The following CLPB variants were observed in gnomAD, a reference collection of about 807,000 sequenced individuals.
CLPB encodes the protein mitochondrial disaggregase.
Under a neutral mutation model 78.4 loss-of-function variants are expected in CLPB, and 40 were observed. The ratio of observed to expected loss-of-function variants is 0.51; its 90% CI spans 0.40 to 0.66. The LOEUF is 0.66. Among genes scored for constraint, CLPB ranks in the 30% least tolerant of loss-of-function variants. The probability of loss-of-function intolerance (pLI) is 0.00; values close to 1 mark genes in which losing one functional copy is unlikely to be tolerated. For missense variants in CLPB, 780 were observed against 886.9 expected, an observed-to-expected ratio of 0.88 and a Z score of 1.53; for synonymous variants, 333 against 348.0, an observed-to-expected ratio of 0.96 and a Z score of 0.48.
intron 4 of CLPB, 50 bp downstream of exon 4, chr11:72,380,231 G>T (rs953877058): frequency 7.1e-7 from 1 of 1,404,380 alleles, no homozygotes; most frequent in Non-Finnish European, 1.0e-6. Context: ...AAGGCTGCAT[G>T]AAAGCCACAA....
chr11:72,376,669 GTTTGTT>G (rs1565471131), intron 4 of CLPB, among the ~76,000 whole-genome samples: 1 of 150,236 alleles, frequency 6.7e-6, no homozygotes, highest in Admixed American at 6.6e-5. Flanking sequence ...TTTAACAGTT[GTTTGTT>G]TTTGTTTTTG....
intron 3 of CLPB, among the ~76,000 whole-genome samples, chr11:72,386,603 A>T (rs1419920003): frequency 6.6e-6 from 1 of 152,252 alleles, no homozygotes. Context: ...ACACAAAGAT[A>T]CAGTCCTTAC....
chr11:72,416,592 CA>C (rs1856030667), intron 2 of CLPB, among the ~76,000 whole-genome samples: 1 of 151,778 alleles, frequency 6.6e-6, no homozygotes, highest in South Asian at 2.1e-4. Flanking sequence ...AAAAATTAGC[CA>C]GGCATGGTGG....
chr11:72,314,745 T>TGGGGA (rs1949910312), intron 7 of CLPB, among the ~76,000 whole-genome samples: 1 of 144,244 alleles, frequency 6.9e-6, no homozygotes, highest in Non-Finnish European at 1.5e-5. Flanking sequence ...TGGGGTGGGG[T>TGGGGA]GGGGGAAGGG....
At chr11:72,314,157 T>C (rs1054733255) in intron 7 of CLPB, among the ~76,000 whole-genome samples, 3 of 152,166 alleles carry the variant, frequency 2.0e-5, no homozygotes, top group Non-Finnish European at 2.9e-5. Flanking sequence ...TTCTGTAATA[T>C]GGAATATGCG....
chr11:72,353,411 C>T (rs547305447), intron 5 of CLPB, among the ~76,000 whole-genome samples: 1 of 152,244 alleles, frequency 6.6e-6, no homozygotes, highest in South Asian at 2.1e-4. Flanking sequence ...GGAAGGTAGC[C>T]AGGCAGAGGT....
At position 72,317,822 on chromosome 11, in the gene CLPB, G is replaced by A. The variant is rs377410948; in HGVS notation, c.874-602C>T. Among the ~76,000 whole-genome samples, 8 of 152,312 alleles carry A rather than the reference G, an allele frequency of 5.3e-5. No homozygotes were observed. In the East Asian group the frequency reaches 1.5e-3, roughly 29 times the overall value. ...GGCAGAGGAAGGAGGACTGTGCCCC[G>A]TTGCCTGGGAGGTTCTAGTTGATGC... On this transcript the variant is annotated intron_variant, in intron 6 of 15. Transcript: ENST00000538039.
chr11:72,373,617 T>A (rs1391901241), intron 4 of CLPB, among the ~76,000 whole-genome samples: 2 of 152,168 alleles, frequency 1.3e-5, no homozygotes, highest in Non-Finnish European at 2.9e-5. Context: ...CCCATCCTCT[T>A]CATCCTCCAA....
At chr11:72,294,472 A>T in intron 13 of CLPB, 28 bp from the exon 14 acceptor site, 1 of 1,613,768 alleles carries the variant, frequency 6.2e-7, no homozygotes, top group Non-Finnish European at 8.5e-7. Context: ...GGGTGGGATG[A>T]GCTCAGTGAC....
At chr11:72,385,062 A>C (rs1393047340) in intron 3 of CLPB, among the ~76,000 whole-genome samples, 1 of 152,250 alleles carries the variant, frequency 6.6e-6, no homozygotes, top group Admixed American at 6.5e-5. Context: ...AGACCTATAC[A>C]GAACATTCCA....
At chr11:72,350,001 C>CG (rs1950586190) in intron 5 of CLPB, among the ~76,000 whole-genome samples, 1 of 152,342 alleles carries the variant, frequency 6.6e-6, no homozygotes, top group South Asian at 2.1e-4. Context: ...TGATGAAATG[C>CG]GGGGGCCTGG....
chr11:72,380,474 G>C, intron 3 of CLPB, 90 bp from the exon 4 acceptor site: 2 of 934,572 alleles, frequency 2.1e-6, no homozygotes, highest in Non-Finnish European at 3.4e-6. Context: ...GGGGACTGGA[G>C]CTGTCTCTGC....
At chr11:72,346,858 G>A (rs1176150739) in intron 5 of CLPB, among the ~76,000 whole-genome samples, 2 of 151,812 alleles carry the variant, frequency 1.3e-5, no homozygotes, top group African/African-American at 2.4e-5. Context: ...GTGGGCACCT[G>A]TAATCCCAGC....
chr11:72,296,551 C>T (rs1949554708), intron 11 of CLPB, among the ~76,000 whole-genome samples: 1 of 152,190 alleles, frequency 6.6e-6, no homozygotes, highest in Non-Finnish European at 1.5e-5. Context: ...AGGGCATGAC[C>T]GTACAACAGC....
intron 3 of CLPB, among the ~76,000 whole-genome samples, chr11:72,397,005 T>A (rs1370573562): frequency 6.6e-6 from 1 of 152,266 alleles, no homozygotes. Flanking sequence ...TACATTCATG[T>A]AACCAGCATG....
At chr11:72,309,247 C>T (rs940776572) in intron 7 of CLPB, among the ~76,000 whole-genome samples, 4 of 152,046 alleles carry the variant, frequency 2.6e-5, no homozygotes, top group African/African-American at 4.8e-5. Context: ...GTGGGGAGCA[C>T]GGGGAGTGGG....
At chr11:72,364,435 G>A (rs1381861763) in intron 4 of CLPB, among the ~76,000 whole-genome samples, 2 of 151,934 alleles carry the variant, frequency 1.3e-5, no homozygotes, top group East Asian at 1.9e-4. Flanking sequence ...TTGAACTCCC[G>A]ACCTCAGATG....
At chr11:72,413,482 T>C (rs144176302) in intron 2 of CLPB, among the ~76,000 whole-genome samples, 25 of 152,304 alleles carry the variant, frequency 1.6e-4, no homozygotes, top group African/African-American at 5.5e-4. Flanking sequence ...CATTGGTACA[T>C]GCATCTCGTA....
intron 5 of CLPB, among the ~76,000 whole-genome samples, chr11:72,352,124 C>A (rs1950625318): frequency 6.6e-6 from 1 of 152,166 alleles, no homozygotes; most frequent in South Asian, 2.1e-4. Flanking sequence ...TAAATGCAGG[C>A]ATACAGTAAG....
Sources: gnomAD v4.1 joint callset for allele counts (sites outside exome capture counted in the v4.1 genomes callset) on GRCh38, gnomAD v4.1.1 for gene constraint, MANE v1.5 for transcripts, NCBI Gene and HGNC (gene_info 2026-07-23, HGNC 2026-07-21) for gene names.